FAM135B: variants seen among roughly 807,000 people sequenced by gnomAD.
FAM135B encodes protein FAM135B.
FAM135B carries 43 observed loss-of-function variants against 127.7 expected under a neutral mutation model. The ratio of observed to expected loss-of-function variants is 0.34; its 90% CI spans 0.26 to 0.43. The LOEUF (loss-of-function observed/expected upper bound fraction) is 0.43, where lower values mean the gene tolerates loss of function less well. FAM135B is among the 20% of genes least tolerant of loss of function. The probability of loss-of-function intolerance (pLI) is 1.00; values close to 1 mark genes in which losing one functional copy is unlikely to be tolerated. For missense variants in FAM135B, 1,558 were observed against 1,725.6 expected (o/e 0.90, Z 1.72); for synonymous variants, 670 against 665.1 (o/e 1.01, Z -0.11).
chr8:138,168,079 A>C, intron 11 of FAM135B, 30 bp from the exon 12 acceptor site: 1 of 1,593,088 alleles, frequency 6.3e-7, no homozygotes. Context: ...GTGAGCGTCC[A>C]GGGAAGAGTC....
At chr8:138,417,288 A>G (rs1834217870) in intron 1 of FAM135B, among the ~76,000 whole-genome samples, 2 of 152,144 alleles carry the variant, frequency 1.3e-5, no homozygotes, top group South Asian at 4.1e-4. Flanking sequence ...ACACAGCCTC[A>G]GCTGCCCAGC....
chr8:138,483,639 G>C (rs1237805482), intron 1 of FAM135B, among the ~76,000 whole-genome samples: 7 of 152,086 alleles, frequency 4.6e-5, no homozygotes, highest in African/African-American at 1.7e-4. Context: ...AGATGTACCA[G>C]CTCCCTCTTT....
At chr8:138,332,502 G>A (rs942343324) in intron 2 of FAM135B, among the ~76,000 whole-genome samples, 1 of 152,130 alleles carries the variant, frequency 6.6e-6, no homozygotes, top group African/African-American at 2.4e-5. Flanking sequence ...AAAGTCACGT[G>A]TGGATTTAGT....
At chr8:138,364,888 C>T (rs1289296253) in intron 2 of FAM135B, among the ~76,000 whole-genome samples, 1 of 152,056 alleles carries the variant, frequency 6.6e-6, no homozygotes, top group Non-Finnish European at 1.5e-5. Flanking sequence ...CGCTGTGTCA[C>T]CCAGGCTAGA....
At chr8:138,384,903 C>T (rs1437015516) in intron 1 of FAM135B, among the ~76,000 whole-genome samples, 1 of 152,044 alleles carries the variant, frequency 6.6e-6, no homozygotes, top group Non-Finnish European at 1.5e-5. Flanking sequence ...GGATGGGAGA[C>T]CTTTCTTAGA....
intron 9 of FAM135B, among the ~76,000 whole-genome samples, chr8:138,183,121 TG>T (rs947605605): frequency 4.5e-5 from 3 of 66,588 alleles, no homozygotes; most frequent in Non-Finnish European, 6.9e-5. Context: ...ACAAGGGGGG[TG>T]GGGGGGCGGT....
chr8:138,463,862 G>A (rs951136087), intron 1 of FAM135B, among the ~76,000 whole-genome samples: 1 of 152,154 alleles, frequency 6.6e-6, no homozygotes, highest in African/African-American at 2.4e-5. Flanking sequence ...AGGCCGACTA[G>A]TCAAGAAACC....
At chr8:138,216,492 A>C (rs1818556802) in intron 7 of FAM135B, among the ~76,000 whole-genome samples, 1 of 152,126 alleles carries the variant, frequency 6.6e-6, no homozygotes, top group Non-Finnish European at 1.5e-5. Context: ...CTAATGGAGA[A>C]AGGGAAAGGA....
intron 3 of FAM135B, among the ~76,000 whole-genome samples, chr8:138,279,931 T>A (rs1563851282): frequency 6.6e-6 from 1 of 152,210 alleles, no homozygotes; most frequent in Non-Finnish European, 1.5e-5. Context: ...TCTGGGGAAC[T>A]TGCTTATCCC....
chr8:138,310,566 C>A (rs11988663), intron 3 of FAM135B, among the ~76,000 whole-genome samples: 4 of 152,236 alleles, frequency 2.6e-5, no homozygotes, highest in Non-Finnish European at 5.9e-5. Context: ...TCCTCCCTGA[C>A]TTGACTTTAA....
At chr8:138,194,954 A>G (rs1159585498) in intron 9 of FAM135B, among the ~76,000 whole-genome samples, 1 of 152,230 alleles carries the variant, frequency 6.6e-6, no homozygotes, top group African/African-American at 2.4e-5. Context: ...CACTGAGTTA[A>G]CCAGTCAACA....
chr8:138,318,399 G>A (rs767712176), intron 2 of FAM135B, among the ~76,000 whole-genome samples: 2 of 152,146 alleles, frequency 1.3e-5, no homozygotes, highest in Non-Finnish European at 2.9e-5. Flanking sequence ...CCATCCCACT[G>A]CACTTGAAGT....
chr8:138,491,142 C>CAA lies in FAM135B; in HGVS notation c.-20+5527_-20+5528dup, dbSNP rs796189435. On this transcript the variant is annotated intron_variant, in intron 1 of 19. Coordinates refer to ENST00000395297, the MANE Select transcript of FAM135B (RefSeq NM_015912.4). Reference sequence around the variant, plus strand: ...AGGCAACAAGAGCGAAACTCTCTCTCAAAAAAAAAAAAAAAAAGAAAGAAA... The same window carrying CAA: ...AGGCAACAAGAGCGAAACTCTCTCTCAAAAAAAAAAAAAAAAAAAGAAAGAAA... Among the ~76,000 whole-genome samples, 238 of 73,652 alleles carry CAA rather than the reference C, an allele frequency of 3.2e-3. 2 individuals carry two copies. The highest frequency in any genetic ancestry group is 8.9e-3 in the African/African-American group (198 of 22,242). The allele number at this position is 73,652 out of a possible 152,430, so 48.3% of individuals were successfully genotyped here.
intron 3 of FAM135B, chr8:138,309,132 CT>C (rs1390005192): frequency 5.2e-6 from 2 of 387,920 alleles, no homozygotes; most frequent in African/African-American, 4.2e-5. Context: ...AAAGTTCAAG[CT>C]GCTCATGTTA....
intron 1 of FAM135B, among the ~76,000 whole-genome samples, chr8:138,403,367 C>T (rs1015893574): frequency 4.6e-5 from 7 of 152,008 alleles, no homozygotes; most frequent in Admixed American, 1.3e-4. Context: ...CCTTGGAGAA[C>T]AACCCGGATA....
intron 11 of FAM135B, among the ~76,000 whole-genome samples, chr8:138,175,112 A>G (rs1489380777): frequency 6.6e-6 from 1 of 152,206 alleles, no homozygotes; most frequent in African/African-American, 2.4e-5. Context: ...AAGATTTCAA[A>G]TCGTGTATAT....
chr8:138,474,617 G>C (rs1554703233), intron 1 of FAM135B, among the ~76,000 whole-genome samples: 1 of 152,136 alleles, frequency 6.6e-6, no homozygotes, highest in Non-Finnish European at 1.5e-5. Flanking sequence ...CCTACACACA[G>C]TCACACAGCT....
At chr8:138,359,242 T>C (rs1278949713) in intron 2 of FAM135B, among the ~76,000 whole-genome samples, 1 of 152,138 alleles carries the variant, frequency 6.6e-6, no homozygotes, top group African/African-American at 2.4e-5. Flanking sequence ...GACTCAGAGA[T>C]GAACAAGGCT....
intron 1 of FAM135B, among the ~76,000 whole-genome samples, chr8:138,487,177 A>G (rs1587557811): frequency 6.6e-6 from 1 of 151,992 alleles, no homozygotes; most frequent in Non-Finnish European, 1.5e-5. Flanking sequence ...TCTCACTAAT[A>G]CTCAGAAGAC....
Sources: allele counts gnomAD v4.1 joint callset (sites outside exome capture counted in the v4.1 genomes callset), GRCh38; gene constraint gnomAD v4.1.1; transcripts MANE v1.5; gene names NCBI Gene and HGNC (gene_info 2026-07-23, HGNC 2026-07-21).